Variants in DDX60L observed in about 807,000 individuals in gnomAD.
DDX60L encodes probable ATP-dependent RNA helicase DDX60-like.
A neutral mutation model predicts 211.6 loss-of-function variants in DDX60L; 191 were observed. That is an observed-to-expected ratio of 0.90 (90% CI 0.80 to 1.02). DDX60L has a LOEUF of 1.02. DDX60L is among the 50% of genes least tolerant of loss of function. DDX60L has a pLI of 0.00. For synonymous variants in DDX60L, 706 were observed against 694.1 expected (o/e 1.02, Z -0.27); for missense variants, 2,007 against 1,984.1 (o/e 1.01, Z -0.22).
At chr4:168,455,984 G>C in intron 7 of DDX60L, 55 bp downstream of exon 7, 1 of 1,257,238 alleles carries the variant, frequency 8.0e-7, no homozygotes, top group Non-Finnish European at 1.1e-6. Context: ...AGTTATACCA[G>C]TTACACCTGA....
At chr4:168,438,158 A>G (rs1753326455) in intron 10 of DDX60L, among the ~76,000 whole-genome samples, 1 of 152,116 alleles carries the variant, frequency 6.6e-6, no homozygotes, top group Non-Finnish European at 1.5e-5. Context: ...CAGGCCTGAG[A>G]CACCACAACT....
intron 1 of DDX60L, among the ~76,000 whole-genome samples, chr4:168,477,961 C>T (rs953173369): frequency 3.9e-5 from 6 of 152,142 alleles, no homozygotes; most frequent in Non-Finnish European, 7.3e-5. Flanking sequence ...GACACAGCGC[C>T]TCATACCTAT....
chr4:168,411,800 C>T lies in DDX60L; in HGVS notation c.2979+3608G>A, dbSNP rs1196664835. On this transcript the variant is annotated intron_variant, in intron 22 of 37. Transcript: ENST00000682922. ...TGATTGCATCATCCCTCCCCCAACC[C>T]TAAGCAGTGCAGCTCGCAGCTCTGA... is the stretch of plus-strand genomic sequence containing the variant. Among the ~76,000 whole-genome samples, 3 of 152,050 alleles carry T rather than the reference C, an allele frequency of 2.0e-5. No homozygotes were observed. The South Asian group carries it at 6.2e-4, about 32-fold the overall frequency.
At chr4:168,475,071 A>G (rs1055662425) in intron 1 of DDX60L, among the ~76,000 whole-genome samples, 1 of 152,246 alleles carries the variant, frequency 6.6e-6, no homozygotes, top group Non-Finnish European at 1.5e-5. Context: ...ATTAAAGTGA[A>G]TAAGAACATG....
At chr4:168,438,707 T>G (rs1365107760) in intron 10 of DDX60L, among the ~76,000 whole-genome samples, 2 of 152,116 alleles carry the variant, frequency 1.3e-5, no homozygotes, top group African/African-American at 4.8e-5. Flanking sequence ...AAGGAGGACC[T>G]CAGGCAAAGA....
intron 36 of DDX60L, among the ~76,000 whole-genome samples, chr4:168,366,332 T>C (rs755560673): frequency 2.0e-5 from 3 of 152,166 alleles, no homozygotes; most frequent in Non-Finnish European, 4.4e-5. Context: ...GTAGTGTTTC[T>C]ATGCAATAAT....
In DDX60L at chr4:168,462,579, G is replaced by A. The variant is rs188478232; in HGVS notation, c.265-539C>T. 2.6e-3 allele frequency among the ~76,000 whole-genome samples: 397 copies of A among 152,286 alleles called. 4 individuals carry two copies. The Middle Eastern group carries it at 0.031, about 12-fold the overall frequency. On this transcript the variant is annotated intron_variant, in intron 4 of 37. Transcript: ENST00000682922. The stretch of plus-strand genomic sequence containing the variant: ...TATAATCCCAGCAGTTTAGGAGGCC[G>A]AGGTGGGTGGATCATTTGAGGTCAG...
At chr4:168,416,494 G>A (rs745907144) in intron 20 of DDX60L, among the ~76,000 whole-genome samples, 188 bp downstream of exon 20, 1 of 152,162 alleles carries the variant, frequency 6.6e-6, no homozygotes, top group Non-Finnish European at 1.5e-5. Context: ...TGAGGTGGGA[G>A]GATTCCTTCA....
chr4:168,422,454 T>A (rs190900952), intron 16 of DDX60L, 70 bp downstream of exon 16: 2 of 1,464,174 alleles, frequency 1.4e-6, no homozygotes, highest in African/African-American at 1.4e-5. Flanking sequence ...AAATTTGACA[T>A]GTAGAGACAC....
intron 30 of DDX60L, among the ~76,000 whole-genome samples, chr4:168,383,289 T>C (rs975796967): frequency 6.6e-6 from 1 of 152,216 alleles, no homozygotes; most frequent in African/African-American, 2.4e-5. Context: ...TGAAGAGCTA[T>C]TGCTACTGTT....
chr4:168,400,680 C>G, intron 26 of DDX60L, 146 bp downstream of exon 26: 1 of 652,486 alleles, frequency 1.5e-6, no homozygotes, highest in Non-Finnish European at 2.6e-6. Context: ...CTCCCATCCT[C>G]CCACCCAAAT....
intron 9 of DDX60L, among the ~76,000 whole-genome samples, chr4:168,442,429 G>A (rs1266871463): frequency 1.3e-5 from 2 of 152,160 alleles, no homozygotes; most frequent in Admixed American, 1.3e-4. Flanking sequence ...GCTGGGGGAG[G>A]GGCGGCAGCG....
At chr4:168,399,981 G>A (rs1448496546) in intron 26 of DDX60L, among the ~76,000 whole-genome samples, 1 of 152,126 alleles carries the variant, frequency 6.6e-6, no homozygotes, top group Non-Finnish European at 1.5e-5. Flanking sequence ...TGCCTATTAG[G>A]TATTTCTCCT....
At position 168,361,169 on chromosome 4, in the gene DDX60L, T is replaced by G. The variant is rs775123337; in HGVS notation, c.4971A>C (p.Ala1657=). ...GQLLKCLKDF[A]FNIQAISDSL... ...CATACCTGATAGCCTGAATGTTGAA[T>G]GCAAAATCTTTCAAACACTTTAAAA... The change falls in exon 37 of 38, where the codon GCA becomes GCC. Residue 1657 remains alanine, a synonymous_variant. Coordinates refer to ENST00000682922, the MANE Select transcript of DDX60L (RefSeq NM_001012967.3). 9 of 1,608,866 alleles carry G rather than the reference T, an allele frequency of 5.6e-6. No homozygotes were observed. Among genetic ancestry groups the G allele is most frequent in the Non-Finnish European group, 6.8e-6 (8 of 1,176,512 alleles).
At chr4:168,370,883 C>T (rs1053521584) in intron 36 of DDX60L, among the ~76,000 whole-genome samples, 1 of 151,126 alleles carries the variant, frequency 6.6e-6, no homozygotes, top group African/African-American at 2.5e-5. Flanking sequence ...AAATTCTTCA[C>T]GTTCCATGTG....
At chr4:168,476,162 A>C (rs1759456146) in intron 1 of DDX60L, 2 of 150,480 alleles carry the variant, frequency 1.3e-5, no homozygotes, top group Admixed American at 6.7e-5. Context: ...TTTAAGAAAT[A>C]AAAGTTTTTA....
intron 7 of DDX60L, among the ~76,000 whole-genome samples, chr4:168,453,949 G>C (rs905808369): frequency 6.6e-6 from 1 of 152,070 alleles, no homozygotes; most frequent in Non-Finnish European, 1.5e-5. Context: ...GGCAAATAGA[G>C]TAAAGGAGAT....
chr4:168,386,450 C>A (rs1441682103), intron 29 of DDX60L, among the ~76,000 whole-genome samples: 1 of 151,916 alleles, frequency 6.6e-6, no homozygotes, highest in Non-Finnish European at 1.5e-5. Context: ...GCCATTTATT[C>A]AATGCTTAAT....
chr4:168,471,676 G>T lies in DDX60L; in HGVS notation c.264+71C>A, dbSNP rs564504837. ...ATGACATGCTTCATTTTAGGTCAAA[G>T]GCTCTTTAGGTTAAGACATTTCAGT... On this transcript the variant is annotated intron_variant, in intron 4 of 37. Transcript: ENST00000682922. The T allele has an allele frequency of 2.4e-6, 3 of 1,228,710 alleles. No homozygotes were observed. The South Asian group carries it at 5.6e-5, about 23-fold the overall frequency. The allele number at this position is 1,228,710 out of a possible 1,614,324, so 76.1% of individuals were successfully genotyped here. A position where few individuals can be genotyped will look rare whatever the true frequency, so the allele number is the denominator to read the frequency against.
Sources: allele counts gnomAD v4.1 joint callset (sites outside exome capture counted in the v4.1 genomes callset), GRCh38; gene constraint gnomAD v4.1.1; transcripts MANE v1.5; gene names NCBI Gene and HGNC (gene_info 2026-07-23, HGNC 2026-07-21).